Variants in CHRNB3 observed in about 807,000 individuals in gnomAD.
CHRNB3 encodes the protein cholinergic receptor nicotinic beta 3 subunit.
A neutral mutation model predicts 40.6 loss-of-function variants in CHRNB3; 37 were observed. The observed-to-expected ratio is 0.91, with a 90% confidence interval of 0.70 to 1.20. CHRNB3 has a LOEUF of 1.20. Ranked by LOEUF, CHRNB3 falls within the 50% of genes most tolerant of loss-of-function variation. CHRNB3 has a pLI of 0.00. For synonymous variants in CHRNB3, 207 were observed against 207.1 expected (o/e 1.00, Z 0.00); for missense variants, 505 against 551.2 (o/e 0.92, Z 0.84).
chr8:42,709,321 C>A (rs1815972332), intron 2 of CHRNB3, among the ~76,000 whole-genome samples: 1 of 152,282 alleles, frequency 6.6e-6, no homozygotes, highest in South Asian at 2.1e-4. Context: ...CCCTAGGCAG[C>A]CCCGTCACCT....
At chr8:42,709,415 AGTGAACT>A (rs1175351460) in intron 2 of CHRNB3, among the ~76,000 whole-genome samples, 1,675 of 152,270 alleles carry the variant, frequency 0.011, 34 homozygotes, top group African/African-American at 0.039. Context: ...AGAAGAAACC[AGTGAACT>A]TTAACTCCCT....
At chr8:42,701,480 G>A (rs573034196) in intron 1 of CHRNB3, among the ~76,000 whole-genome samples, 56 of 152,128 alleles carry the variant, frequency 3.7e-4, no homozygotes, top group African/African-American at 1.3e-3. Context: ...GGAGGTTGAG[G>A]CTGCAGTGAC....
chr8:42,710,973 G>A (rs1333892617), intron 3 of CHRNB3, among the ~76,000 whole-genome samples: 1 of 152,192 alleles, frequency 6.6e-6, no homozygotes, highest in Non-Finnish European at 1.5e-5. Context: ...GTGTTTTCCT[G>A]ACATCACTGA....
chr8:42,736,347 G>A, intron 5 of CHRNB3, 137 bp from the exon 6 acceptor site: 1 of 1,031,576 alleles, frequency 9.7e-7, no homozygotes, highest in Non-Finnish European at 1.4e-6. Context: ...CCTGTAGTGT[G>A]GTTGGGACAT....
At chr8:42,709,176 G>A (rs1465736111) in intron 2 of CHRNB3, among the ~76,000 whole-genome samples, 1 of 152,166 alleles carries the variant, frequency 6.6e-6, no homozygotes, top group Non-Finnish European at 1.5e-5. Context: ...GGGAACTGCA[G>A]AGAAGAGGGG....
Position 42,732,352 on chromosome 8 carries a change from A to C in CHRNB3, c.1045A>C (p.Met349Leu). ...FLQKLPKLLC[M>L]KDHVDRYSSP... ...GCAGAAACTTCCAAAATTACTTTGC[A>C]TGAAAGATCATGTGGATCGCTACTC... The change falls in exon 5 of 6, where the codon ATG becomes CTG. Residue 349 changes from methionine (M) to leucine (L), a missense_variant. By Grantham distance (15) the Met-to-Leu change is conservative (BLOSUM62 2). Transcript: ENST00000289957. 1 of 1,609,240 alleles carries C rather than the reference A, an allele frequency of 6.2e-7. No homozygotes were observed. The highest frequency in any genetic ancestry group is 2.2e-5 in the East Asian group (1 of 44,872).
rs963024663 is a variant in CHRNB3 at position 42,731,827 on chromosome 8, T to C, written c.520T>C (p.Trp174Arg). Residue 174 changes from tryptophan (W) to arginine (R), a missense_variant, in exon 5 of 6, where the codon TGG (tryptophan) becomes CGG (arginine). By Grantham distance (101) the Trp-to-Arg change is moderately radical. Coordinates refer to ENST00000289957, the MANE Select transcript of CHRNB3 (RefSeq NM_000749.5). ...GAACTGCTCCATGAAGTTTGGATCC[T>C]GGACTTATGATGGCACCATGGTTGA... The part of the protein sequence containing the change: ...RQNCSMKFGS[W>R]TYDGTMVDLI... The C allele has an allele frequency of 6.2e-7, 1 of 1,614,046 alleles. No individual in the cohort carries two copies. The highest frequency in any genetic ancestry group is 1.3e-5 in the African/African-American group (1 of 74,906).
At chr8:42,721,161 C>T (rs539647044) in intron 3 of CHRNB3, among the ~76,000 whole-genome samples, 3 of 152,328 alleles carry the variant, frequency 2.0e-5, no homozygotes, top group African/African-American at 7.2e-5. Flanking sequence ...CAGGTTCTTC[C>T]CAGGATCAGC....
Position 42,732,320 on chromosome 8 carries a change from T to C in CHRNB3, c.1013T>C (p.Leu338Pro). 6.2e-7 allele frequency: 1 copy of C among 1,606,580 alleles called. No individual in the cohort carries two copies. Among genetic ancestry groups the C allele is most frequent in the Non-Finnish European group, 8.5e-7 (1 of 1,177,986 alleles). ...CCCATGGCCCCCTGGGTTAAGAGGC[T>C]CTTTCTGCAGAAACTTCCAAAATTA... The part of the protein sequence containing the change: ...YHPMAPWVKR[L>P]FLQKLPKLLC... Residue 338 changes from leucine to proline, a missense_variant, in exon 5 of 6, where the codon CTC becomes CCC. Transcript: ENST00000289957.
intron 1 of CHRNB3, among the ~76,000 whole-genome samples, chr8:42,706,239 T>C (rs370498140): frequency 5.8e-4 from 89 of 152,246 alleles, no homozygotes; most frequent in African/African-American, 2.1e-3. Flanking sequence ...AATCGCAGAC[T>C]GGCCCGAGGG....
Position 42,708,706 on chromosome 8 carries a change from T to C in CHRNB3, c.53-11T>C. On this transcript the variant is annotated splice_polypyrimidine_tract_variant and intron_variant, in intron 1 of 5. Coordinates refer to ENST00000289957, the MANE Select transcript of CHRNB3 (RefSeq NM_000749.5). The stretch of plus-strand genomic sequence containing the variant: ...CCCATTAACCCAGGTCCACCCATGA[T>C]TCTTTTACAGCCACCACAGGTTTCA... The C allele has an allele frequency of 6.2e-7, 1 of 1,613,304 alleles. No homozygotes were observed. Among genetic ancestry groups the C allele is most frequent in the Non-Finnish European group, 8.5e-7 (1 of 1,179,660 alleles).
chr8:42,736,879 A>G lies in CHRNB3; in HGVS notation c.*261A>G. On this transcript the variant is annotated 3_prime_UTR_variant, in exon 6 of 6. Coordinates refer to ENST00000289957, the MANE Select transcript of CHRNB3 (RefSeq NM_000749.5). ...ACATTCAGGGAGGGATCATAGGTCC[A>G]GGCTTGAGCTCACATGTGGCCAGAG... 1 of 479,392 alleles carries G rather than the reference A, an allele frequency of 2.1e-6. No individual in the cohort carries two copies. The highest frequency in any genetic ancestry group is 3.7e-6 in the Non-Finnish European group (1 of 270,334). 29.7% of individuals were successfully genotyped at this position (479,392 alleles called of 1,614,324 possible).
In CHRNB3 at chr8:42,732,356, A is replaced by C. The variant is rs779926317; in HGVS notation, c.1049A>C (p.Lys350Thr). ...AAACTTCCAAAATTACTTTGCATGAAAGATCATGTGGATCGCTACTCATCC... is the reference window on the plus strand; with the variant it reads ...AAACTTCCAAAATTACTTTGCATGACAGATCATGTGGATCGCTACTCATCC... ...LQKLPKLLCM[K>T]DHVDRYSSPE... Residue 350 changes from lysine to threonine, a missense_variant, in exon 5 of 6, where the codon AAA (lysine) becomes ACA (threonine). By Grantham distance (78) the Lys-to-Thr change is moderately conservative (BLOSUM62 -1). Transcript: ENST00000289957. 2 of 1,609,654 alleles carry C rather than the reference A, an allele frequency of 1.2e-6. No homozygotes were observed. Among genetic ancestry groups the C allele is most frequent in the Non-Finnish European group, 1.7e-6 (2 of 1,179,102 alleles).
chr8:42,716,675 G>A (rs538098002), intron 3 of CHRNB3, among the ~76,000 whole-genome samples: 1 of 152,192 alleles, frequency 6.6e-6, no homozygotes, highest in East Asian at 1.9e-4. Context: ...GTATTGCCAT[G>A]GCGATGGTAA....
intron 2 of CHRNB3, among the ~76,000 whole-genome samples, 166 bp downstream of exon 2, chr8:42,709,034 C>T (rs114637288): frequency 0.011 from 1,695 of 152,150 alleles, 34 homozygotes; most frequent in African/African-American, 0.039. Context: ...AAGGAAAGAA[C>T]GAGAAGTTGT....
chr8:42,723,307 CCAAA>C (rs1346854944), intron 3 of CHRNB3, among the ~76,000 whole-genome samples: 6 of 152,208 alleles, frequency 3.9e-5, no homozygotes, highest in South Asian at 2.1e-4. Flanking sequence ...GCTATTAAGG[CCAAA>C]CAGTTTTTCT....
chr8:42,699,616 CA>C (rs773454423), intron 1 of CHRNB3: 3 of 152,042 alleles, frequency 2.0e-5, no homozygotes, highest in Non-Finnish European at 4.4e-5. Context: ...AAAAATTAGC[CA>C]GGCGTGGTGG....
Position 42,730,640 on chromosome 8 carries a change from G to T in CHRNB3, c.296G>T (p.Gly99Val). Residue 99 changes from glycine (G) to valine (V), a missense_variant, in exon 4 of 6, where the codon GGG becomes GTG. By Grantham distance (109) the Gly-to-Val change is moderately radical (BLOSUM62 -3). Transcript: ENST00000289957. Reference protein sequence around the residue: ...KLRWNPDDYGGIHSIKVPSES... With the variant: ...KLRWNPDDYGVIHSIKVPSES... ...CGCTGGAATCCTGATGATTATGGTG[G>T]GATCCATTCCATTAAAGTTCCATCA... 6.2e-7 allele frequency: 1 copy of T among 1,609,730 alleles called. No individual in the cohort carries two copies. The highest frequency in any genetic ancestry group is 8.5e-7 in the Non-Finnish European group (1 of 1,177,408).
At chr8:42,735,960 G>A (rs758344956) in intron 5 of CHRNB3, among the ~76,000 whole-genome samples, 22 of 152,118 alleles carry the variant, frequency 1.4e-4, no homozygotes, top group Non-Finnish European at 2.4e-4. Flanking sequence ...CTGTCTCCTG[G>A]GTTCAAGCAA....
Sources: allele counts gnomAD v4.1 joint callset (sites outside exome capture counted in the v4.1 genomes callset), GRCh38; gene constraint gnomAD v4.1.1; transcripts MANE v1.5; gene names NCBI Gene and HGNC (gene_info 2026-07-23, HGNC 2026-07-21).